RPS6: variants seen among roughly 807,000 people sequenced by gnomAD.
RPS6 encodes ribosomal protein S6.
A neutral mutation model predicts 27.1 loss-of-function variants in RPS6; 1 was observed. That is an observed-to-expected ratio of 0.04 (90% CI 0.01 to 0.18). The LOEUF is 0.18. Among genes scored for constraint, RPS6 ranks in the 10% least tolerant of loss-of-function variants. The probability of loss-of-function intolerance (pLI) is 1.00; values close to 1 mark genes in which losing one functional copy is unlikely to be tolerated. For synonymous variants in RPS6, 152 were observed against 106.0 expected, an observed-to-expected ratio of 1.43 and a Z score of -2.66; for missense variants, 259 against 319.1, an observed-to-expected ratio of 0.81 and a Z score of 1.44.
At position 19,376,139 on chromosome 9, in the gene RPS6, G is replaced by C. The variant is rs1216837257; in HGVS notation, c.*154C>G. 76 of 662,214 alleles carry C rather than the reference G, an allele frequency of 1.1e-4. No homozygotes were observed. In the East Asian group the frequency reaches 2.1e-3, roughly 18 times the overall value. The allele number at this position is 662,214 out of a possible 1,614,324, so 41.0% of individuals were successfully genotyped here. A position where few individuals can be genotyped will look rare whatever the true frequency, so the allele number is the denominator to read the frequency against. On this transcript the variant is annotated 3_prime_UTR_variant, in exon 6 of 6. Transcript: ENST00000380394. ...TTGTCTTCCACTACCACACACAATA[G>C]GTCTGACTTTATCCACCATTGGAAT...
In RPS6 at chr9:19,376,245, T is replaced by C. The variant is rs1429241953; in HGVS notation, c.*48A>G. On this transcript the variant is annotated 3_prime_UTR_variant, in exon 6 of 6. Transcript: ENST00000380394. ...GTAGTTTTCTATCAGCAATGAAAAG[T>C]CAACAGAGATCAGAGTCTGATCTTA... 2.0e-6 allele frequency: 3 copies of C among 1,474,208 alleles called. No individual in the cohort carries two copies. Among genetic ancestry groups the C allele is most frequent in the East Asian group, 4.5e-5 (2 of 44,064 alleles). The allele number at this position is 1,474,208 out of a possible 1,614,324, so 91.3% of individuals were successfully genotyped here.
chr9:19,379,815 G>GT (rs940909247), intron 1 of RPS6, 197 bp from the exon 2 acceptor site: 33 of 1,429,222 alleles, frequency 2.3e-5, no homozygotes, highest in Non-Finnish European at 2.9e-5. Flanking sequence ...TCAGCAGGAC[G>GT]TTTTCCCCTC....
At position 19,376,284 on chromosome 9, in the gene RPS6, C is replaced by A; in HGVS notation, c.*9G>T. The A allele has an allele frequency of 6.2e-7, 1 of 1,603,870 alleles. No individual in the cohort carries two copies. Among genetic ancestry groups the A allele is most frequent in the South Asian group, 1.1e-5 (1 of 89,984 alleles). On this transcript the variant is annotated 3_prime_UTR_variant, in exon 6 of 6. Coordinates refer to ENST00000380394, the MANE Select transcript of RPS6 (RefSeq NM_001010.3). ...AGTCTGATCTTATTTATTTGTTACTCAAAAAATCTTATTTCTGACTGGATT... is the reference window on the plus strand; with the variant it reads ...AGTCTGATCTTATTTATTTGTTACTAAAAAAATCTTATTTCTGACTGGATT...
Position 19,378,917 on chromosome 9 carries a change from C to T in RPS6, c.140G>A (p.Gly47Asp). The T allele has an allele frequency of 6.2e-7, 1 of 1,613,944 alleles. No individual in the cohort carries two copies. The highest frequency in any genetic ancestry group is 8.5e-7 in the Non-Finnish European group (1 of 1,179,886). Reference protein sequence around the residue: ...AADALGEEWKGYVVRISGGND... With the variant: ...AADALGEEWKDYVVRISGGND... ...CCCACCACTGATTCGGACCACATAA[C>T]CCTGCAAGAGCATACAATGAATGAC... Residue 47 changes from glycine (G) to aspartate (D), a missense_variant and splice_region_variant, in exon 3 of 6, where the codon GGT (glycine) becomes GAT (aspartate). By Grantham distance (94) the Gly-to-Asp change is moderately conservative. Around this residue, in one of 3 missense-constraint regions of RPS6, gnomAD observed 65 missense variants for 66.6 expected, o/e 0.98. Transcript: ENST00000380394.
intron 3 of RPS6, 35 bp downstream of exon 3, chr9:19,378,673 A>T (rs1829628823): frequency 1.2e-6 from 2 of 1,609,022 alleles, no homozygotes. Flanking sequence ...GCTTTAAATC[A>T]ATTTCAACGA....
chr9:19,379,841 ACT>A, intron 1 of RPS6: 1 of 1,421,948 alleles, frequency 7.0e-7, no homozygotes, highest in Non-Finnish European at 9.1e-7. Context: ...CCGCGGAATG[ACT>A]CTGGGGGCGA....
intron 2 of RPS6, 170 bp from the exon 3 acceptor site, chr9:19,379,088 T>C (rs1229748193): frequency 2.5e-6 from 2 of 794,086 alleles, no homozygotes; most frequent in Non-Finnish European, 3.9e-6. Context: ...ATTCCCAACT[T>C]GTCAAGTTCA....
intron 1 of RPS6, 184 bp downstream of exon 1, chr9:19,380,006 C>T (rs1437824310): frequency 2.7e-6 from 4 of 1,483,458 alleles, no homozygotes; most frequent in African/African-American, 2.8e-5. Flanking sequence ...CGGCTCCAGC[C>T]GCAATCGCCT....
Position 19,378,934 on chromosome 9 carries a change from A to G in RPS6, c.139-16T>C, listed in dbSNP as rs900421657. The G allele has an allele frequency of 8.1e-6, 13 of 1,611,246 alleles. No homozygotes were observed. In the East Asian group the frequency reaches 2.9e-4, roughly 36 times the overall value. On this transcript the variant is annotated splice_polypyrimidine_tract_variant and intron_variant, in intron 2 of 5. Coordinates refer to ENST00000380394, the MANE Select transcript of RPS6 (RefSeq NM_001010.3). ...CCACATAACCCTGCAAGAGCATACAATGAATGACACATTTACTATTTCTAT... is the reference window on the plus strand; with the variant it reads ...CCACATAACCCTGCAAGAGCATACAGTGAATGACACATTTACTATTTCTAT...
rs1563856986 is a variant in RPS6, at chr9:19,375,893, T to C, written c.*400A>G. 6.5e-6 allele frequency: 1 copy of C among 154,462 alleles called. No homozygotes were observed. The highest frequency in any genetic ancestry group is 1.4e-5 in the Non-Finnish European group (1 of 69,536). The allele number at this position is 154,462 out of a possible 1,614,324, so 9.6% of individuals were successfully genotyped here. A position where few individuals can be genotyped will look rare whatever the true frequency, so the allele number is the denominator to read the frequency against. On this transcript the variant is annotated 3_prime_UTR_variant, in exon 6 of 6. Transcript: ENST00000380394. ...AAAACTATGCCTTAAAAGTTACCTT[T>C]TAAAAAAGACATGTTCATCTTCACA...
In RPS6 at chr9:19,376,331, G is replaced by T; in HGVS notation, c.712C>A (p.Arg238=). 2.5e-6 allele frequency: 4 copies of T among 1,614,012 alleles called. No individual in the cohort carries two copies. Among genetic ancestry groups the T allele is most frequent in the Non-Finnish European group, 3.4e-6 (4 of 1,179,982 alleles). ...IAKRRRLSSL[R]ASTSKSESSQ... ...GATTCAGACTTAGAAGTAGAAGCTCGCAGAGAGGAAAGTCTGCGTCTCTTC... is the reference window on the plus strand; with the variant it reads ...GATTCAGACTTAGAAGTAGAAGCTCTCAGAGAGGAAAGTCTGCGTCTCTTC... Residue 238 remains arginine, a synonymous_variant, in exon 6 of 6, where the codon CGA becomes AGA. Coordinates refer to ENST00000380394, the MANE Select transcript of RPS6 (RefSeq NM_001010.3).
rs771972723 is a variant in RPS6 at position 19,379,581 on chromosome 9, A to T, written c.44T>A (p.Leu15His). 6.2e-7 allele frequency: 1 copy of T among 1,614,084 alleles called. No homozygotes were observed. The highest frequency in any genetic ancestry group is 1.7e-5 in the Admixed American group (1 of 60,004). The change falls in exon 2 of 6, where the codon CTC becomes CAC. Residue 15 changes from leucine (L) to histidine (H), a missense_variant. Leu to His is a moderately conservative substitution (Grantham distance 99). Coordinates refer to ENST00000380394, the MANE Select transcript of RPS6 (RefSeq NM_001010.3). ...TTTGCGTTCATCGTCCACTTCAATG[A>T]GTTTCTGGCAGCCAGTGGCTGGGAA... ...ISFPATGCQKLIEVDDERKLR... is the reference protein window; with the variant it reads ...ISFPATGCQKHIEVDDERKLR...
intron 2 of RPS6, 116 bp downstream of exon 2, chr9:19,379,371 A>C (rs747104929): frequency 1.9e-6 from 3 of 1,556,104 alleles, no homozygotes; most frequent in Non-Finnish European, 2.6e-6. Flanking sequence ...ATTCGGAAGC[A>C]ACTTACCAAA....
chr9:19,378,936 G>A lies in RPS6; in HGVS notation c.139-18C>T. 2 of 1,609,694 alleles carry A rather than the reference G, an allele frequency of 1.2e-6. No individual in the cohort carries two copies. The highest frequency in any genetic ancestry group is 2.7e-5 in the African/African-American group (2 of 74,908). On this transcript the variant is annotated intron_variant, in intron 2 of 5. Coordinates refer to ENST00000380394, the MANE Select transcript of RPS6 (RefSeq NM_001010.3). ...ACATAACCCTGCAAGAGCATACAAT[G>A]AATGACACATTTACTATTTCTATTC...
At chr9:19,378,602 G>T (rs550245118) in intron 3 of RPS6, 88 bp from the exon 4 acceptor site, 2 of 1,575,310 alleles carry the variant, frequency 1.3e-6, no homozygotes, top group African/African-American at 2.7e-5. Flanking sequence ...TGATGGTAGA[G>T]AAACAAATCC....
chr9:19,379,334 GTAATACCTCTAACTT>G, intron 2 of RPS6, 138 bp downstream of exon 2: 1 of 1,529,714 alleles, frequency 6.5e-7, no homozygotes, highest in Non-Finnish European at 8.8e-7. Context: ...CCCCTCCAAG[GTAATACCTCTAACTT>G]TATAAAGTGG....
rs780432301 is a variant in RPS6, at chr9:19,379,545, A to T, written c.80T>A (p.Phe27Tyr). The T allele has an allele frequency of 1.2e-6, 2 of 1,614,170 alleles. No individual in the cohort carries two copies. Among genetic ancestry groups the T allele is most frequent in the South Asian group, 1.1e-5 (1 of 91,080 alleles). ...TTCTGTGGCCATACGCTTCTCATAG[A>T]AAGTACGAAGTTTGCGTTCATCGTC... ...EVDDERKLRT[F>Y]YEKRMATEVA... is the part of the protein sequence containing the mutation. Residue 27 changes from phenylalanine to tyrosine, a missense_variant, in exon 2 of 6, where the codon TTC becomes TAC. Phe to Tyr is a conservative substitution (Grantham distance 22). Transcript: ENST00000380394.
chr9:19,379,480 C>T lies in RPS6; in HGVS notation c.138+7G>A. On this transcript the variant is annotated splice_region_variant and intron_variant, in intron 2 of 5. Coordinates refer to ENST00000380394, the MANE Select transcript of RPS6 (RefSeq NM_001010.3). ...TTAAATACCTGCAACAATTTGTCAA[C>T]TTTTACCTTCCATTCTTCACCCAGA... The T allele has an allele frequency of 6.2e-7, 1 of 1,614,160 alleles. No individual in the cohort carries two copies. Among genetic ancestry groups the T allele is most frequent in the Non-Finnish European group, 8.5e-7 (1 of 1,180,010 alleles).
chr9:19,378,683 A>G (rs1465852767), intron 3 of RPS6, 25 bp downstream of exon 3: 2 of 1,610,424 alleles, frequency 1.2e-6, no homozygotes, highest in Non-Finnish European at 1.7e-6. Flanking sequence ...AATTTCAACG[A>G]AAATTGAACA....
Sources: gnomAD v4.1 joint callset for allele counts on GRCh38, gnomAD v4.1.1 for gene constraint, gnomAD v4.1.1 regional missense constraint, MANE v1.5 for transcripts, NCBI Gene and HGNC (gene_info 2026-07-23, HGNC 2026-07-21) for gene names.